The following GTF2A1L variants were observed in gnomAD, a reference collection of about 807,000 sequenced individuals.
The protein encoded by GTF2A1L is general transcription factor IIA subunit 1 like.
In GTF2A1L, 48 loss-of-function variants were observed where a neutral mutation model predicts 49.7. That is an observed-to-expected ratio of 0.97 (90% CI 0.77 to 1.23). The LOEUF (loss-of-function observed/expected upper bound fraction) is 1.23. Ranked by LOEUF, GTF2A1L falls within the 50% of genes most tolerant of loss-of-function variation. GTF2A1L has a pLI of 0.00. For missense variants in GTF2A1L, 736 were observed against 564.8 expected (o/e 1.30, Z -3.07); for synonymous variants, 246 against 193.5 (o/e 1.27, Z -2.25).
chr2:48,659,384 A>C (rs1007191771), intron 6 of GTF2A1L, among the ~76,000 whole-genome samples: 1 of 152,100 alleles, frequency 6.6e-6, no homozygotes, highest in African/African-American at 2.4e-5. Context: ...GTAATTTTGT[A>C]GTATGTTTTG....
At chr2:48,622,642 G>A (rs528576162) in intron 3 of GTF2A1L, among the ~76,000 whole-genome samples, 11 of 152,164 alleles carry the variant, frequency 7.2e-5, no homozygotes, top group Admixed American at 3.9e-4. Flanking sequence ...CCAACATGGC[G>A]AAACCCTGTC....
chr2:48,675,672 CA>C, intron 8 of GTF2A1L, among the ~76,000 whole-genome samples: 1 of 152,026 alleles, frequency 6.6e-6, no homozygotes, highest in East Asian at 1.9e-4. Flanking sequence ...TTCTGTGCTA[CA>C]AATAGGACAC....
intron 5 of GTF2A1L, 106 bp downstream of exon 5, chr2:48,645,223 C>G: frequency 9.7e-7 from 1 of 1,031,254 alleles, no homozygotes; most frequent in Non-Finnish European, 1.4e-6. Flanking sequence ...GTTATAAGAA[C>G]TTTTAATAAA....
intron 7 of GTF2A1L, among the ~76,000 whole-genome samples, chr2:48,670,900 T>C (rs1234947577): frequency 6.6e-6 from 1 of 152,148 alleles, no homozygotes; most frequent in Non-Finnish European, 1.5e-5. Flanking sequence ...CTTGACTCAC[T>C]GCAACCTCTG....
rs377686002 is a variant in GTF2A1L at position 48,619,482 on chromosome 2, AT to A, written c.22-1368del. Among the ~76,000 whole-genome samples the A allele has an allele frequency of 9.1e-3, 1,271 of 139,288 alleles. 20 individuals are homozygous for A. Among genetic ancestry groups the A allele is most frequent in the African/African-American group, 0.031 (1,199 of 39,266 alleles). 91.4% of individuals were successfully genotyped at this position (139,288 alleles called of 152,430 possible). On this transcript the variant is annotated intron_variant, in intron 1 of 8. Coordinates refer to ENST00000403751, the MANE Select transcript of GTF2A1L (RefSeq NM_006872.5). Reference sequence around the variant, plus strand: ...AAGACTCCATCTCAAAAAAAAAAAAATAATAATAATAATAAAAAAAAAGCAC... The same window carrying A: ...AAGACTCCATCTCAAAAAAAAAAAAAAATAATAATAATAAAAAAAAAGCAC...
At chr2:48,649,428 T>C (rs146774787) in intron 6 of GTF2A1L, among the ~76,000 whole-genome samples, 87 of 152,266 alleles carry the variant, frequency 5.7e-4, no homozygotes, top group African/African-American at 2.0e-3. Context: ...CTCTTCTACC[T>C]CTTACTCTGC....
chr2:48,664,289 A>G (rs1165971430), intron 6 of GTF2A1L, among the ~76,000 whole-genome samples: 1 of 151,946 alleles, frequency 6.6e-6, no homozygotes, highest in Non-Finnish European at 1.5e-5. Context: ...ATCCTTTATC[A>G]GATGGAAACA....
rs368196959 is a variant in GTF2A1L at position 48,646,890 on chromosome 2, G to C, written c.826G>C (p.Asp276His). The C allele has an allele frequency of 2.5e-6, 4 of 1,614,198 alleles. No homozygotes were observed. The highest frequency in any genetic ancestry group is 1.7e-6 in the Non-Finnish European group (2 of 1,180,032). The change falls in exon 6 of 9, where the codon GAT becomes CAT. Residue 276 changes from aspartate (D) to histidine (H), a missense_variant. Physicochemically the swap from Asp to His is moderately conservative, Grantham distance 81 (BLOSUM62 -1). Transcript: ENST00000403751. ...AGCTAGCATGGCTCAAAATCTGCATGATGAGTCCCTCTCCACAAGCCCTCA... is the reference window on the plus strand; with the variant it reads ...AGCTAGCATGGCTCAAAATCTGCATCATGAGTCCCTCTCCACAAGCCCTCA... ...GSASMAQNLH[D>H]ESLSTSPHGA...
chr2:48,656,065 G>T (rs926807733), intron 6 of GTF2A1L, among the ~76,000 whole-genome samples: 4 of 152,074 alleles, frequency 2.6e-5, no homozygotes, highest in African/African-American at 9.7e-5. Flanking sequence ...ACTGCATTTT[G>T]TTTATTCATT....
intron 6 of GTF2A1L, among the ~76,000 whole-genome samples, chr2:48,667,705 C>T (rs1298947156): frequency 1.3e-5 from 2 of 151,890 alleles, no homozygotes; most frequent in Admixed American, 6.6e-5. Flanking sequence ...TAATTTTAGT[C>T]AATTTGAATT....
chr2:48,666,385 A>G (rs1178587515), intron 6 of GTF2A1L, among the ~76,000 whole-genome samples: 1 of 152,058 alleles, frequency 6.6e-6, no homozygotes, highest in East Asian at 1.9e-4. Context: ...TTTAAAAAAC[A>G]TTTTTAGTAG....
rs750041901 is a variant in GTF2A1L, at chr2:48,671,547, A to G, written c.1240-44A>G. 1.0e-5 allele frequency: 16 copies of G among 1,582,230 alleles called. No homozygotes were observed. The South Asian group carries it at 1.6e-4, about 16-fold the overall frequency. On this transcript the variant is annotated intron_variant, in intron 7 of 8. Transcript: ENST00000403751. ...ATGTCTCTTTATCTTTAAACAATTTAAAGCATCATAAAATTCCTTAATGTG... is the reference window on the plus strand; with the variant it reads ...ATGTCTCTTTATCTTTAAACAATTTGAAGCATCATAAAATTCCTTAATGTG...
In GTF2A1L at chr2:48,671,583, G is replaced by A. The variant is rs373952988; in HGVS notation, c.1240-8G>A. 2.7e-4 allele frequency: 439 copies of A among 1,609,216 alleles called. No individual in the cohort carries two copies. The highest frequency in any genetic ancestry group is 3.5e-4 in the Non-Finnish European group (408 of 1,178,240). The stretch of plus-strand genomic sequence containing the variant: ...AAATTCCTTAATGTGATCATCTTTC[G>A]TCTTTAGGACCCTTTAAATTCTGGA... On this transcript the variant is annotated splice_region_variant and splice_polypyrimidine_tract_variant and intron_variant, in intron 7 of 8. Coordinates refer to ENST00000403751, the MANE Select transcript of GTF2A1L (RefSeq NM_006872.5).
chr2:48,662,114 A>C (rs565182748), intron 6 of GTF2A1L, among the ~76,000 whole-genome samples: 1 of 152,268 alleles, frequency 6.6e-6, no homozygotes, highest in Admixed American at 6.5e-5. Context: ...ACCTGTTTTA[A>C]TCAGATAGTC....
At chr2:48,665,144 A>T (rs1482926910) in intron 6 of GTF2A1L, among the ~76,000 whole-genome samples, 1 of 151,714 alleles carries the variant, frequency 6.6e-6, no homozygotes, top group Admixed American at 6.6e-5. Flanking sequence ...CTGGTCTCCA[A>T]CTCTTGGCCT....
At chr2:48,625,963 T>C (rs1305880370) in intron 3 of GTF2A1L, among the ~76,000 whole-genome samples, 4 of 144,338 alleles carry the variant, frequency 2.8e-5, no homozygotes, top group Non-Finnish European at 6.2e-5. Flanking sequence ...AAACAGGTTT[T>C]CCTCTGTGTT....
chr2:48,628,555 T>A, intron 3 of GTF2A1L, among the ~76,000 whole-genome samples: 1 of 144,120 alleles, frequency 6.9e-6, no homozygotes, highest in East Asian at 1.9e-4. Context: ...GCCCACTTTT[T>A]AATGGGGTTA....
chr2:48,646,954 A>C lies in GTF2A1L; in HGVS notation c.890A>C (p.His297Pro). 6.2e-7 allele frequency: 1 copy of C among 1,614,178 alleles called. No homozygotes were observed. Residue 297 changes from histidine (H) to proline (P), a missense_variant, in exon 6 of 9, where the codon CAT becomes CCT. His to Pro is a moderately conservative substitution (Grantham distance 77, BLOSUM62 -2). Transcript: ENST00000403751. Reference sequence around the variant, plus strand: ...CAGCACGTGACTGATATTCAGCTTCATATTCTTAAAAATAGGATGTATGGA... The same window carrying C: ...CAGCACGTGACTGATATTCAGCTTCCTATTCTTAAAAATAGGATGTATGGA... ...LHQHVTDIQLHILKNRMYGCD... is the reference protein window; with the variant it reads ...LHQHVTDIQLPILKNRMYGCD...
intron 3 of GTF2A1L, among the ~76,000 whole-genome samples, chr2:48,639,674 C>T (rs1383753142): frequency 6.6e-6 from 1 of 152,030 alleles, no homozygotes; most frequent in East Asian, 1.9e-4. Context: ...CAAAAGCAAT[C>T]ACAAGAAAAG....
Sources: allele counts gnomAD v4.1 joint callset (sites outside exome capture counted in the v4.1 genomes callset), GRCh38; gene constraint gnomAD v4.1.1; transcripts MANE v1.5; gene names NCBI Gene and HGNC (gene_info 2026-07-23, HGNC 2026-07-21).